The following LMBRD2 variants were observed in gnomAD, a reference collection of about 807,000 sequenced individuals.
LMBRD2 encodes the protein G protein-coupled receptor-associated protein LMBRD2.
Under a neutral mutation model 94.4 loss-of-function variants are expected in LMBRD2, and 55 were observed. That is an observed-to-expected ratio of 0.58 (90% confidence interval 0.47 to 0.73). The LOEUF (loss-of-function observed/expected upper bound fraction) is 0.73. Ranked by LOEUF, LMBRD2 falls within the 30% of genes least tolerant of loss-of-function variation. The pLI, the probability that LMBRD2 is intolerant of heterozygous loss-of-function variation, is 0.00. For missense variants in LMBRD2, 640 were observed against 831.9 expected, an observed-to-expected ratio of 0.77 and a Z score of 2.84; for synonymous variants, 246 against 272.4, an observed-to-expected ratio of 0.90 and a Z score of 0.95.
At chr5:36,111,325 T>G in intron 13 of LMBRD2, 67 bp from the exon 14 acceptor site, 2 of 1,047,748 alleles carry the variant, frequency 1.9e-6, no homozygotes, top group Middle Eastern at 4.5e-4. Context: ...GATGAATTGT[T>G]CTTTAGCATT....
chr5:36,103,446 A>G lies in LMBRD2; in HGVS notation c.*600T>C, dbSNP rs1743387765. On this transcript the variant is annotated 3_prime_UTR_variant, in exon 18 of 18. Transcript: ENST00000296603. ...ACAGACACGCATCACTTGAAGTATAATCTTAATCTTATACATGCAAAAATC... is the reference window on the plus strand; with the variant it reads ...ACAGACACGCATCACTTGAAGTATAGTCTTAATCTTATACATGCAAAAATC... 6.6e-6 allele frequency: 1 copy of G among 152,364 alleles called. No homozygotes were observed. The highest frequency in any genetic ancestry group is 6.6e-5 in the Admixed American group (1 of 15,218). The allele number at this position is 152,364 out of a possible 1,614,324, so 9.4% of individuals were successfully genotyped here.
At chr5:36,124,391 C>A in intron 6 of LMBRD2, 126 bp from the exon 7 acceptor site, 1 of 557,972 alleles carries the variant, frequency 1.8e-6, no homozygotes. Context: ...CTTTGCATTA[C>A]ATGAATAAAG....
chr5:36,142,705 T>A (rs1744440724), intron 2 of LMBRD2, 106 bp from the exon 3 acceptor site: 6 of 604,148 alleles, frequency 9.9e-6, no homozygotes, highest in African/African-American at 5.7e-5. Context: ...CCTTCTTGGC[T>A]ATGCTTTATT....
At chr5:36,129,091 A>G (rs1744075580) in intron 6 of LMBRD2, among the ~76,000 whole-genome samples, 1 of 152,188 alleles carries the variant, frequency 6.6e-6, no homozygotes, top group East Asian at 1.9e-4. Context: ...AAAAGAATGA[A>G]AAGTGTCTAC....
intron 1 of LMBRD2, among the ~76,000 whole-genome samples, chr5:36,146,943 T>A (rs927973204): frequency 9.7e-4 from 22 of 22,694 alleles, no homozygotes; most frequent in South Asian, 7.9e-3. Context: ...TGTGTGTGAG[T>A]GTGTGTGTGT....
intron 6 of LMBRD2, among the ~76,000 whole-genome samples, chr5:36,124,982 A>G (rs1743976626): frequency 6.6e-6 from 1 of 152,176 alleles, no homozygotes; most frequent in East Asian, 1.9e-4. Flanking sequence ...TAACTTAAAA[A>G]CAAACAAACA....
At chr5:36,142,831 T>C (rs1744449184) in intron 2 of LMBRD2, 2 of 388,782 alleles carry the variant, frequency 5.1e-6, no homozygotes, top group Admixed American at 4.3e-5. Context: ...TTCACGCCAT[T>C]CTCCTGCCTC....
chr5:36,103,591 C>T lies in LMBRD2; in HGVS notation c.*455G>A, dbSNP rs1461118258. The T allele has an allele frequency of 6.6e-6, 1 of 152,454 alleles. No individual in the cohort carries two copies. Among genetic ancestry groups the T allele is most frequent in the Non-Finnish European group, 1.5e-5 (1 of 67,964 alleles). The allele number at this position is 152,454 out of a possible 1,614,324, so 9.4% of individuals were successfully genotyped here. ...ACAGTTATTATTTGAGGTCTCCATTCACTTACATTTCTTTGGGAAATACAG... is the reference window on the plus strand; with the variant it reads ...ACAGTTATTATTTGAGGTCTCCATTTACTTACATTTCTTTGGGAAATACAG... On this transcript the variant is annotated 3_prime_UTR_variant, in exon 18 of 18. Coordinates refer to ENST00000296603, the MANE Select transcript of LMBRD2 (RefSeq NM_001007527.2).
At chr5:36,120,033 C>T (rs1158247935) in intron 9 of LMBRD2, among the ~76,000 whole-genome samples, 1 of 149,078 alleles carries the variant, frequency 6.7e-6, no homozygotes. Flanking sequence ...TTCTTTTTGT[C>T]TTTCTTTTCT....
rs1427268285 is a variant in LMBRD2, at chr5:36,116,610, A to T, written c.1303-17T>A. The T allele has an allele frequency of 1.2e-6, 2 of 1,608,070 alleles. No individual in the cohort carries two copies. Among genetic ancestry groups the T allele is most frequent in the South Asian group, 2.2e-5 (2 of 89,680 alleles). On this transcript the variant is annotated splice_polypyrimidine_tract_variant and intron_variant, in intron 10 of 17. Coordinates refer to ENST00000296603, the MANE Select transcript of LMBRD2 (RefSeq NM_001007527.2). Reference sequence around the variant, plus strand: ...GCAGGCAATCTGGAAAAAAACAAAAACAAAGCAGTTTGTTTAAAACAAACA... The same window carrying T: ...GCAGGCAATCTGGAAAAAAACAAAATCAAAGCAGTTTGTTTAAAACAAACA...
chr5:36,115,756 T>G (rs185216242), intron 11 of LMBRD2, among the ~76,000 whole-genome samples: 357 of 152,054 alleles, frequency 2.3e-3, no homozygotes, highest in African/African-American at 8.1e-3. Flanking sequence ...TAAAAAATGG[T>G]GAGAACTAAA....
intron 16 of LMBRD2, 109 bp from the exon 17 acceptor site, chr5:36,105,306 CAAAG>C: frequency 7.5e-6 from 7 of 934,440 alleles, no homozygotes; most frequent in Non-Finnish European, 6.5e-6. Context: ...AATCTGAAGA[CAAAG>C]AACATAAGAA....
At chr5:36,115,150 A>G (rs1162712787) in intron 11 of LMBRD2, 30 bp from the exon 12 acceptor site, 1 of 1,383,288 alleles carries the variant, frequency 7.2e-7, no homozygotes, top group East Asian at 2.3e-5. Context: ...ATATGTATAT[A>G]AAAAGTAAAG....
Position 36,116,687 on chromosome 5 carries a change from G to T in LMBRD2, c.1303-94C>A, listed in dbSNP as rs1205433719. ...ATTATCCTTCATTTCTTTTTCTTTT[G>T]TTTTTTTGAGATGGAGTCTCGCCCT... On this transcript the variant is annotated intron_variant, in intron 10 of 17. Transcript: ENST00000296603. 6.1e-6 allele frequency: 8 copies of T among 1,313,042 alleles called. No individual in the cohort carries two copies. The African/African-American group carries it at 1.2e-4, about 19-fold the overall frequency. The allele number at this position is 1,313,042 out of a possible 1,614,324, so 81.3% of individuals were successfully genotyped here. A position where few individuals can be genotyped will look rare whatever the true frequency, so the allele number is the denominator to read the frequency against.
intron 16 of LMBRD2, among the ~76,000 whole-genome samples, chr5:36,106,930 G>A (rs566485915): frequency 2.0e-5 from 3 of 152,202 alleles, no homozygotes; most frequent in Admixed American, 1.3e-4. Flanking sequence ...ATGCCACAAC[G>A]TCCTGCACTT....
chr5:36,115,774 T>C (rs1439848765), intron 11 of LMBRD2, among the ~76,000 whole-genome samples: 1 of 152,120 alleles, frequency 6.6e-6, no homozygotes, highest in African/African-American at 2.4e-5. Context: ...AAATAAAGTC[T>C]GTAGTTTGTA....
At chr5:36,104,596 G>A (rs1743420710) in intron 17 of LMBRD2, among the ~76,000 whole-genome samples, 1 of 151,898 alleles carries the variant, frequency 6.6e-6, no homozygotes, top group African/African-American at 2.4e-5. Context: ...GTGTGACTCT[G>A]GGCACTTTAC....
Position 36,137,392 on chromosome 5 carries a change from T to A in LMBRD2, c.418A>T (p.Ile140Phe). ...AGTGCAGTTTTGATCTTTCCAGTGA[T>A]GGAAAACCCTCCTGATCTTGCATAT... ...QSYARSGGFS[I>F]TGKIKTALIE... Residue 140 changes from isoleucine to phenylalanine, a missense_variant, in exon 5 of 18, where the codon ATC (isoleucine) becomes TTC (phenylalanine). Physicochemically the swap from Ile to Phe is conservative, Grantham distance 21 (BLOSUM62 0). Coordinates refer to ENST00000296603, the MANE Select transcript of LMBRD2 (RefSeq NM_001007527.2). The A allele has an allele frequency of 6.2e-7, 1 of 1,600,324 alleles. No homozygotes were observed. The highest frequency in any genetic ancestry group is 8.5e-7 in the Non-Finnish European group (1 of 1,170,666).
rs1744486772 is a variant in LMBRD2 at position 36,144,293 on chromosome 5, T to C, written c.-57-887A>G. Among the ~76,000 whole-genome samples the C allele has an allele frequency of 2.0e-5, 3 of 152,226 alleles. No individual in the cohort carries two copies. The South Asian group carries it at 6.2e-4, about 32-fold the overall frequency. On this transcript the variant is annotated intron_variant, in intron 1 of 17. Transcript: ENST00000296603. ...AAGGCAATATGAACTTTTTCTCCTT[T>C]GTAAAATCAATGTTAGACTTTTGTT...
Sources: gnomAD v4.1 joint callset for allele counts (sites outside exome capture counted in the v4.1 genomes callset) on GRCh38, gnomAD v4.1.1 for gene constraint, MANE v1.5 for transcripts, NCBI Gene and HGNC (gene_info 2026-07-23, HGNC 2026-07-21) for gene names.